Variants in NCEH1 observed in about 807,000 individuals in gnomAD.
NCEH1 encodes 2-acetyl MAGE hydrolase.
A neutral mutation model predicts 25.4 loss-of-function variants in NCEH1; 9 were observed. The observed-to-expected ratio is 0.35, with a 90% CI of 0.21 to 0.62. The LOEUF (loss-of-function observed/expected upper bound fraction) is 0.62, where lower values mean the gene tolerates loss of function less well. NCEH1 is among the 20% of genes least tolerant of loss of function. NCEH1 has a pLI of 0.72. For synonymous variants in NCEH1, 200 were observed against 199.8 expected (o/e 1.00, Z -0.01); for missense variants, 412 against 501.1 (o/e 0.82, Z 1.70).
chr3:172,688,342 A>G (rs1295842321), intron 1 of NCEH1, among the ~76,000 whole-genome samples: 1 of 151,360 alleles, frequency 6.6e-6, no homozygotes, highest in Non-Finnish European at 1.5e-5. Context: ...AAAAAAAAAA[A>G]AAAAAAAAAA....
In NCEH1 at chr3:172,693,065, G is replaced by A. The variant is rs115332047; in HGVS notation, c.138+17782C>T. Reference sequence around the variant, plus strand: ...AGGGGCTTCCTCCAACCTGGCTCCCGTAGGACCCACTTTGTACCACAAACT... The same window carrying A: ...AGGGGCTTCCTCCAACCTGGCTCCCATAGGACCCACTTTGTACCACAAACT... On this transcript the variant is annotated intron_variant, in intron 1 of 4. Transcript: ENST00000475381. Among the ~76,000 whole-genome samples the A allele has an allele frequency of 6.7e-3, 1,020 of 152,260 alleles. 10 individuals carry two copies. The highest frequency in any genetic ancestry group is 0.012 in the Non-Finnish European group (825 of 68,008).
At chr3:172,683,773 A>G (rs1046850778) in intron 1 of NCEH1, among the ~76,000 whole-genome samples, 1 of 152,266 alleles carries the variant, frequency 6.6e-6, no homozygotes, top group Non-Finnish European at 1.5e-5. Flanking sequence ...AGGCTGGCAT[A>G]TAGCAGTTAA....
intron 1 of NCEH1, among the ~76,000 whole-genome samples, chr3:172,676,962 T>C (rs184346262): frequency 1.6e-3 from 243 of 152,232 alleles, no homozygotes; most frequent in African/African-American, 5.5e-3. Flanking sequence ...TTTTTTCCAG[T>C]GCCTCATGTA....
chr3:172,637,111 T>C (rs976473535), intron 3 of NCEH1, among the ~76,000 whole-genome samples: 2 of 152,182 alleles, frequency 1.3e-5, no homozygotes, highest in African/African-American at 4.8e-5. Flanking sequence ...TTCCTAAAGA[T>C]TGTGTTCTCT....
intron 1 of NCEH1, among the ~76,000 whole-genome samples, chr3:172,709,654 G>A (rs1015324948): frequency 2.0e-5 from 3 of 152,134 alleles, no homozygotes; most frequent in African/African-American, 7.2e-5. Context: ...CTAGTAAGGG[G>A]ACTTTTCATA....
intron 1 of NCEH1, among the ~76,000 whole-genome samples, chr3:172,702,190 C>T (rs1357931733): frequency 6.6e-6 from 1 of 151,512 alleles, no homozygotes; most frequent in Non-Finnish European, 1.5e-5. Context: ...CTTTGCATTT[C>T]GGTCTCCTCC....
intron 3 of NCEH1, among the ~76,000 whole-genome samples, chr3:172,644,476 C>T (rs549677984): frequency 2.0e-5 from 3 of 152,326 alleles, no homozygotes; most frequent in Non-Finnish European, 4.4e-5. Flanking sequence ...ATGGCCCTGC[C>T]ACTCAGCATT....
intron 1 of NCEH1, among the ~76,000 whole-genome samples, chr3:172,701,622 T>TTG (rs1713695400): frequency 6.8e-6 from 1 of 146,666 alleles, no homozygotes; most frequent in African/African-American, 2.5e-5. Context: ...GCTAGTTTTT[T>TTG]TTTTTTTTTT....
chr3:172,681,288 A>C (rs1712361324), intron 1 of NCEH1: 1 of 152,184 alleles, frequency 6.6e-6, no homozygotes. Flanking sequence ...TTTAAAAAAA[A>C]TACTGGCAAG....
At chr3:172,688,330 CAAAAAAAAA>C (rs11376665) in intron 1 of NCEH1, among the ~76,000 whole-genome samples, 3 of 66,234 alleles carry the variant, frequency 4.5e-5, no homozygotes, top group African/African-American at 1.2e-4. Flanking sequence ...AACTCCACCT[CAAAAAAAAA>C]AAAAAAAAAA....
chr3:172,692,988 A>G (rs1400422294), intron 1 of NCEH1, among the ~76,000 whole-genome samples: 3 of 152,054 alleles, frequency 2.0e-5, no homozygotes, highest in African/African-American at 7.2e-5. Context: ...ATCCATTCAG[A>G]CCCAGCTCAG....
At chr3:172,663,600 C>A (rs535931434) in intron 1 of NCEH1, among the ~76,000 whole-genome samples, 1 of 152,228 alleles carries the variant, frequency 6.6e-6, no homozygotes, top group South Asian at 2.1e-4. Flanking sequence ...GAGTCTAAGT[C>A]TCTTTATAGG....
At chr3:172,689,866 C>G (rs1712930401) in intron 1 of NCEH1, among the ~76,000 whole-genome samples, 1 of 151,212 alleles carries the variant, frequency 6.6e-6, no homozygotes, top group Non-Finnish European at 1.5e-5. Context: ...TTTAACCCCT[C>G]AAGCATTTTT....
At chr3:172,667,601 G>C (rs908495528) in intron 1 of NCEH1, among the ~76,000 whole-genome samples, 1 of 152,152 alleles carries the variant, frequency 6.6e-6, no homozygotes, top group Non-Finnish European at 1.5e-5. Flanking sequence ...CAGAACCCAG[G>C]AACCAGGGAG....
chr3:172,655,973 A>C (rs1446394471), intron 1 of NCEH1, among the ~76,000 whole-genome samples: 1 of 152,148 alleles, frequency 6.6e-6, no homozygotes, highest in Non-Finnish European at 1.5e-5. Context: ...CAACAGAAAC[A>C]AGAAACTGGA....
intron 1 of NCEH1, among the ~76,000 whole-genome samples, chr3:172,664,971 A>G (rs1718138326): frequency 6.6e-6 from 1 of 152,136 alleles, no homozygotes; most frequent in South Asian, 2.1e-4. Context: ...CAACTCATCA[A>G]AGTCATTCCC....
At chr3:172,677,474 A>G (rs149136491) in intron 1 of NCEH1, among the ~76,000 whole-genome samples, 1 of 152,366 alleles carries the variant, frequency 6.6e-6, no homozygotes, top group East Asian at 1.9e-4. Flanking sequence ...ACTCTTTCAA[A>G]TGGACCTTTA....
chr3:172,706,357 T>C (rs1236383679), intron 1 of NCEH1, among the ~76,000 whole-genome samples: 1 of 152,178 alleles, frequency 6.6e-6, no homozygotes, highest in African/African-American at 2.4e-5. Flanking sequence ...GTATGATCTA[T>C]TTTGTAGCCT....
Position 172,645,629 on chromosome 3 carries a change from G to A in NCEH1, c.431C>T (p.Ser144Phe). Residue 144 changes from serine (S) to phenylalanine (F), a missense_variant, in exon 3 of 5, where the codon TCC (serine) becomes TTC (phenylalanine). Physicochemically the swap from Ser to Phe is radical, Grantham distance 155. This residue lies in a region of NCEH1 where 178 missense variants were observed against 189.2 expected (regional missense o/e 0.94). Coordinates refer to ENST00000475381, the MANE Select transcript of NCEH1 (RefSeq NM_020792.6). ...MAEELNAVIV[S>F]IEYRLVPKVY... ...ACTAGCATTAATTACTTACTCAATG[G>A]AAACAATGACAGCATTCAATTCCTC... 6.3e-7 allele frequency: 1 copy of A among 1,592,596 alleles called. No individual in the cohort carries two copies.
Sources: gnomAD v4.1 joint callset for allele counts (sites outside exome capture counted in the v4.1 genomes callset) on GRCh38, gnomAD v4.1.1 for gene constraint, gnomAD v4.1.1 regional missense constraint, MANE v1.5 for transcripts, NCBI Gene and HGNC (gene_info 2026-07-23, HGNC 2026-07-21) for gene names.